TENM2: variants seen among roughly 807,000 people sequenced by gnomAD.
TENM2 encodes the protein teneurin transmembrane protein 2.
Under a neutral mutation model 245.2 loss-of-function variants are expected in TENM2, and 52 were observed. The observed-to-expected ratio is 0.21, with a 90% CI of 0.17 to 0.27. TENM2 has a LOEUF of 0.27. Ranked by LOEUF, TENM2 falls within the 10% of genes least tolerant of loss-of-function variation. The probability of loss-of-function intolerance (pLI) is 1.00; values close to 1 mark genes in which losing one functional copy is unlikely to be tolerated. For missense variants in TENM2, 3,046 were observed against 3,666.8 expected (o/e 0.83, Z 4.37); for synonymous variants, 1,363 against 1,438.9 (o/e 0.95, Z 1.19).
chr5:167,635,533 C>T (rs1779137547), intron 2 of TENM2, among the ~76,000 whole-genome samples: 1 of 151,654 alleles, frequency 6.6e-6, no homozygotes, highest in African/African-American at 2.4e-5. Context: ...CAGCCATTAG[C>T]CAAACTCAAT....
chr5:167,852,575 A>G lies in TENM2; in HGVS notation c.503-23411A>G, dbSNP rs1162896249. Among the ~76,000 whole-genome samples, 3 of 152,240 alleles carry G rather than the reference A, an allele frequency of 2.0e-5. No homozygotes were observed. In the South Asian group the frequency reaches 6.2e-4, roughly 32 times the overall value. On this transcript the variant is annotated intron_variant, in intron 2 of 28. Coordinates refer to ENST00000518659, the Ensembl canonical transcript of TENM2. ...AACAAGACAAGAATTTAGTAGTTTT[A>G]ACATTTGACAGCACCCAATTGTTAG...
the TENM2 span, among the ~76,000 whole-genome samples, chr5:166,982,643 G>A: frequency 6.6e-6 from 1 of 152,084 alleles, no homozygotes; most frequent in Admixed American, 6.6e-5. Context: ...ATTACTTTGT[G>A]TAAAGCAACA....
At chr5:167,565,568 T>G (rs1200052239) in intron 2 of TENM2, among the ~76,000 whole-genome samples, 1 of 152,244 alleles carries the variant, frequency 6.6e-6, no homozygotes, top group Admixed American at 6.5e-5. Flanking sequence ...TAGATTTAGC[T>G]TTGGTAGAAT....
At chr5:166,981,919 C>G in the TENM2 span, among the ~76,000 whole-genome samples, 1 of 152,012 alleles carries the variant, frequency 6.6e-6, no homozygotes, top group African/African-American at 2.4e-5. Flanking sequence ...ATTTGTATGA[C>G]TCTTACATCG....
At chr5:167,269,128 C>T in the TENM2 span, among the ~76,000 whole-genome samples, 5 of 152,026 alleles carry the variant, frequency 3.3e-5, no homozygotes, top group Middle Eastern at 3.4e-3. Context: ...GAAGAAAATA[C>T]GTCACAAAAT....
intron 2 of TENM2, among the ~76,000 whole-genome samples, chr5:167,636,614 T>A (rs955100879): frequency 9.9e-5 from 15 of 152,220 alleles, no homozygotes; most frequent in African/African-American, 3.6e-4. Flanking sequence ...ATTCATTTCA[T>A]CCATTCATTT....
At chr5:168,112,552 C>G (rs1794744516) in intron 9 of TENM2, among the ~76,000 whole-genome samples, 1 of 127,068 alleles carries the variant, frequency 7.9e-6, no homozygotes, top group African/African-American at 3.1e-5. Context: ...TGATCCCATT[C>G]CTTTTTATTG....
chr5:168,009,896 C>T (rs1323712905), intron 5 of TENM2, among the ~76,000 whole-genome samples: 1 of 152,150 alleles, frequency 6.6e-6, no homozygotes, highest in South Asian at 2.1e-4. Flanking sequence ...TGATACTGGT[C>T]TTTAGGGAAT....
the TENM2 span, among the ~76,000 whole-genome samples, chr5:167,164,106 C>T: frequency 5.9e-5 from 9 of 152,136 alleles, no homozygotes; most frequent in South Asian, 1.0e-3. Context: ...GTGGCAAGAA[C>T]GCCAGCTTCA....
intron 1 of TENM2, among the ~76,000 whole-genome samples, chr5:167,368,498 A>C (rs556993328): frequency 7.3e-4 from 111 of 152,238 alleles, no homozygotes; most frequent in Non-Finnish European, 1.3e-3. Context: ...TATTTAAATA[A>C]TTATCAAGTT....
chr5:168,129,545 G>C (rs1169512534), intron 12 of TENM2: 1 of 152,132 alleles, frequency 6.6e-6, no homozygotes, highest in Non-Finnish European at 1.5e-5. Context: ...TTTATTAGTA[G>C]GACATGTGCC....
chr5:167,793,430 A>G (rs1047232307), intron 2 of TENM2, among the ~76,000 whole-genome samples: 2 of 152,142 alleles, frequency 1.3e-5, no homozygotes, highest in South Asian at 2.1e-4. Flanking sequence ...TAGTAATATT[A>G]TTATTTTTCA....
At chr5:167,782,639 T>G (rs576119465) in intron 2 of TENM2, among the ~76,000 whole-genome samples, 15 of 152,120 alleles carry the variant, frequency 9.9e-5, no homozygotes, top group Middle Eastern at 3.2e-3. Flanking sequence ...GAGCAAAAGA[T>G]GTAAAAACAA....
intron 2 of TENM2, among the ~76,000 whole-genome samples, chr5:167,670,911 C>A (rs1044302332): frequency 1.3e-5 from 2 of 152,040 alleles, no homozygotes; most frequent in Non-Finnish European, 2.9e-5. Flanking sequence ...TTACTCAGCT[C>A]TGTAGGAGAG....
chr5:167,308,264 T>C (rs1478883079), intron 1 of TENM2, among the ~76,000 whole-genome samples: 3 of 152,172 alleles, frequency 2.0e-5, no homozygotes, highest in African/African-American at 7.2e-5. Context: ...CTGATCACGG[T>C]GAGCCATGCA....
At chr5:167,500,424 A>G (rs929287015) in intron 2 of TENM2, among the ~76,000 whole-genome samples, 10 of 152,122 alleles carry the variant, frequency 6.6e-5, no homozygotes, top group Non-Finnish European at 1.3e-4. Flanking sequence ...GTATAACTTA[A>G]AAACATAATC....
At chr5:167,357,525 G>A (rs981968032) in intron 1 of TENM2, among the ~76,000 whole-genome samples, 1 of 152,016 alleles carries the variant, frequency 6.6e-6, no homozygotes, top group Non-Finnish European at 1.5e-5. Flanking sequence ...CTCCCAAAGT[G>A]CTGGGATTAC....
intron 2 of TENM2, among the ~76,000 whole-genome samples, chr5:167,784,906 C>A (rs555514211): frequency 6.6e-6 from 1 of 152,136 alleles, no homozygotes; most frequent in South Asian, 2.1e-4. Context: ...GTGACTCCTA[C>A]TTAATTTATT....
At chr5:167,023,605 ATT>A in the TENM2 span, among the ~76,000 whole-genome samples, 2 of 152,216 alleles carry the variant, frequency 1.3e-5, no homozygotes, top group Non-Finnish European at 2.9e-5. Context: ...GACTGTTTAT[ATT>A]TACAGTGTTG....
Sources: gnomAD v4.1 joint callset for allele counts (sites outside exome capture counted in the v4.1 genomes callset) on GRCh38, gnomAD v4.1.1 for gene constraint, MANE v1.5 for transcripts, NCBI Gene and HGNC (gene_info 2026-07-23, HGNC 2026-07-21) for gene names.